NCOA3: variants seen among roughly 807,000 people sequenced by gnomAD.
NCOA3 encodes nuclear receptor coactivator 3, also known as CBP-interacting protein.
NCOA3 carries 51 observed loss-of-function variants against 158.8 expected under a neutral mutation model. That is an observed-to-expected ratio of 0.32 (90% CI 0.26 to 0.41). The LOEUF (loss-of-function observed/expected upper bound fraction) is 0.41, where lower values mean the gene tolerates loss of function less well. NCOA3 is among the 10% of genes least tolerant of loss of function. NCOA3 has a pLI of 1.00. For synonymous variants in NCOA3, 537 were observed against 592.4 expected (o/e 0.91, Z 1.36); for missense variants, 1,510 against 1,746.6 (o/e 0.86, Z 2.41).
At chr20:47,576,716 T>C (rs2085378482) in intron 1 of NCOA3, among the ~76,000 whole-genome samples, 1 of 152,236 alleles carries the variant, frequency 6.6e-6, no homozygotes, top group South Asian at 2.1e-4. Context: ...GGGGTCAGCA[T>C]GCAGCCTGTG....
chr20:47,651,417 G>A, intron 20 of NCOA3, 141 bp downstream of exon 20: 7 of 1,364,894 alleles, frequency 5.1e-6, no homozygotes, highest in Non-Finnish European at 6.8e-6. Context: ...TAATTTAAAT[G>A]ATTGGAAAAC....
At chr20:47,565,891 A>G (rs117711384) in intron 1 of NCOA3, among the ~76,000 whole-genome samples, 18 of 152,344 alleles carry the variant, frequency 1.2e-4, no homozygotes, top group Non-Finnish European at 2.2e-4. Context: ...GTGATGTTGT[A>G]TACTAGCTTT....
intron 1 of NCOA3, among the ~76,000 whole-genome samples, chr20:47,551,970 C>G (rs1016409018): frequency 1.2e-4 from 19 of 152,142 alleles, no homozygotes; most frequent in Admixed American, 9.8e-4. Flanking sequence ...CTCTGTATCT[C>G]TAGGTTTTTA....
intron 1 of NCOA3, among the ~76,000 whole-genome samples, chr20:47,545,333 C>T (rs549218822): frequency 3.0e-4 from 46 of 151,894 alleles, no homozygotes; most frequent in Non-Finnish European, 5.7e-4. Context: ...TGTACTACCA[C>T]GCCCAGCTAA....
rs777307154 is a variant in NCOA3 at position 47,647,155 on chromosome 20, GACAGACATACCCAGC to G, written c.3340_3354del (p.Thr1114_Gln1118del). On this transcript the variant is annotated inframe_deletion, in exon 18 of 23. Coordinates refer to ENST00000371998, the MANE Select transcript of NCOA3 (RefSeq NM_181659.3). The stretch of plus-strand genomic sequence containing the variant: ...ATGGATCAGAAGGCAGGATTATATG[GACAGACATACCCAGC>G]ACAGGGGCCTCCAATGCAAGGAGGC... The G allele has an allele frequency of 1.9e-6, 3 of 1,614,178 alleles. No individual in the cohort carries two copies. The highest frequency in any genetic ancestry group is 1.7e-6 in the Non-Finnish European group (2 of 1,180,034).
chr20:47,540,573 CAAA>C (rs3091666), intron 1 of NCOA3, among the ~76,000 whole-genome samples: 9 of 139,248 alleles, frequency 6.5e-5, no homozygotes, highest in Non-Finnish European at 6.2e-5. Context: ...ACTCTTGTCT[CAAA>C]AAAAAAAAAA....
chr20:47,516,506 C>T (rs77339605), intron 1 of NCOA3, among the ~76,000 whole-genome samples: 1 of 152,132 alleles, frequency 6.6e-6, no homozygotes, highest in East Asian at 1.9e-4. Flanking sequence ...AAATAAGATA[C>T]ACACATAGAA....
chr20:47,626,534 G>A (rs1365006216), intron 5 of NCOA3, among the ~76,000 whole-genome samples: 1 of 141,222 alleles, frequency 7.1e-6, no homozygotes, highest in Non-Finnish European at 1.5e-5. Context: ...TAGTAATGGT[G>A]CTAATGTTAG....
At position 47,652,595 on chromosome 20, in the gene NCOA3, C is replaced by G; in HGVS notation, c.4121+15C>G. 34 of 1,593,134 alleles carry G rather than the reference C, an allele frequency of 2.1e-5. No homozygotes were observed. Among genetic ancestry groups the G allele is most frequent in the Non-Finnish European group, 2.8e-5 (32 of 1,162,774 alleles). Reference sequence around the variant, plus strand: ...GCCAGGAACAGGTAAAGAACAGTGACTTATAAAGTTAGTCACATCCTAGTC... The same window carrying G: ...GCCAGGAACAGGTAAAGAACAGTGAGTTATAAAGTTAGTCACATCCTAGTC... On this transcript the variant is annotated intron_variant, in intron 21 of 22. Coordinates refer to ENST00000371998, the MANE Select transcript of NCOA3 (RefSeq NM_181659.3).
intron 1 of NCOA3, among the ~76,000 whole-genome samples, chr20:47,540,879 G>A (rs1568666474): frequency 6.6e-6 from 1 of 152,166 alleles, no homozygotes; most frequent in African/African-American, 2.4e-5. Context: ...AGGGAAGGAT[G>A]TAAATGAATT....
Position 47,627,189 on chromosome 20 carries a change from T to C in NCOA3, c.532+13T>C, listed in dbSNP as rs541997192. 2.2e-5 allele frequency: 34 copies of C among 1,571,778 alleles called. No individual in the cohort carries two copies. The Admixed American group carries it at 5.7e-4, about 26-fold the overall frequency. On this transcript the variant is annotated intron_variant, in intron 6 of 22. Coordinates refer to ENST00000371998, the MANE Select transcript of NCOA3 (RefSeq NM_181659.3). ...CCAAAATCTACAGGTAGGCTTTTAA[T>C]GTGTATTTTCTAAATAGGTTAAATT...
At chr20:47,517,474 G>A (rs1569313887) in intron 1 of NCOA3, among the ~76,000 whole-genome samples, 1 of 130,490 alleles carries the variant, frequency 7.7e-6, no homozygotes, top group Admixed American at 7.9e-5. Flanking sequence ...TTTTTGAGAA[G>A]GAGTCTTGCT....
chr20:47,588,610 T>G (rs2425976), intron 2 of NCOA3, among the ~76,000 whole-genome samples: 2,771 of 152,308 alleles, frequency 0.018, 91 homozygotes, highest in African/African-American at 0.063. Context: ...ACAAAAGGCA[T>G]ACATTGCTTT....
intron 8 of NCOA3, chr20:47,630,337 T>G (rs1170462151): frequency 1.3e-5 from 2 of 152,184 alleles, no homozygotes; most frequent in Non-Finnish European, 2.9e-5. Flanking sequence ...AAATCTCCAG[T>G]AGCTTTTGCA....
rs2086518206 is a variant in NCOA3, at chr20:47,636,459, T to C, written c.2073T>C (p.Asn691=). 9.3e-6 allele frequency: 15 copies of C among 1,613,968 alleles called. No homozygotes were observed. The highest frequency in any genetic ancestry group is 2.7e-5 in the African/African-American group (2 of 74,904). ...GGATTTTGCACAAGTTGCTGCAGAATGGGAATTCACCAGCTGAGGTAGCCA... is the reference window on the plus strand; with the variant it reads ...GGATTTTGCACAAGTTGCTGCAGAACGGGAATTCACCAGCTGAGGTAGCCA... ...KHRILHKLLQ[N]GNSPAEVAKI... is the part of the protein sequence containing the mutation. Residue 691 remains asparagine (N), a synonymous_variant, in exon 12 of 23, where the codon AAT becomes AAC. Transcript: ENST00000371998.
chr20:47,609,957 C>T (rs6090706), intron 2 of NCOA3, among the ~76,000 whole-genome samples: 2,594 of 152,146 alleles, frequency 0.017, 77 homozygotes, highest in African/African-American at 0.059. Flanking sequence ...CCACATAAGA[C>T]GGTAGCTATT....
chr20:47,580,722 G>C (rs919839623), intron 1 of NCOA3, among the ~76,000 whole-genome samples: 52 of 152,134 alleles, frequency 3.4e-4, no homozygotes, highest in African/African-American at 1.3e-3. Flanking sequence ...GAAGATCTTA[G>C]AGGTTCTTTA....
chr20:47,570,491 G>C (rs1337617379), intron 1 of NCOA3, among the ~76,000 whole-genome samples: 2 of 152,130 alleles, frequency 1.3e-5, no homozygotes, highest in East Asian at 1.9e-4. Context: ...AAGTTTCATC[G>C]TGAGGTTACA....
At chr20:47,643,071 C>T (rs378890) in intron 17 of NCOA3, among the ~76,000 whole-genome samples, 11,791 of 152,222 alleles carry the variant, frequency 0.077, 601 homozygotes, top group Non-Finnish European at 0.11. Flanking sequence ...CCACCACGCC[C>T]GGGTAATTTC....
Sources: allele counts gnomAD v4.1 joint callset (sites outside exome capture counted in the v4.1 genomes callset), GRCh38; gene constraint gnomAD v4.1.1; transcripts MANE v1.5; gene names NCBI Gene and HGNC (gene_info 2026-07-23, HGNC 2026-07-21).